SMG7: variants seen among roughly 807,000 people sequenced by gnomAD.
SMG7 encodes SMG7 nonsense mediated mRNA decay factor.
Under a neutral mutation model 148.2 loss-of-function variants are expected in SMG7, and 34 were observed. The observed-to-expected ratio is 0.23, with a 90% CI of 0.17 to 0.31. SMG7 has a LOEUF of 0.31. SMG7 is among the 10% of genes least tolerant of loss of function. The pLI, the probability that SMG7 is intolerant of heterozygous loss-of-function variation, is 1.00. For missense variants in SMG7, 1,114 were observed against 1,408.4 expected, an observed-to-expected ratio of 0.79 and a Z score of 3.35; for synonymous variants, 492 against 515.1, an observed-to-expected ratio of 0.96 and a Z score of 0.61.
At chr1:183,546,969 T>C in intron 17 of SMG7, 134 bp from the exon 18 acceptor site, 1 of 871,292 alleles carries the variant, frequency 1.1e-6, no homozygotes. Context: ...CAGAGCGTTT[T>C]TTCTCTTTGC....
rs557796045 is a variant in SMG7 at position 183,527,642 on chromosome 1, C to T, written c.485-314C>T. The T allele has an allele frequency of 6.1e-6, 3 of 494,388 alleles. No individual in the cohort carries two copies. Among genetic ancestry groups the T allele is most frequent in the East Asian group, 6.1e-5 (1 of 16,454 alleles). 30.6% of individuals were successfully genotyped at this position (494,388 alleles called of 1,614,324 possible). A position where few individuals can be genotyped will look rare whatever the true frequency, so the allele number is the denominator to read the frequency against. On this transcript the variant is annotated intron_variant, in intron 5 of 22. Coordinates refer to ENST00000688051, the MANE Select transcript of SMG7 (RefSeq NM_001375584.1). This position sits in a 1 kb window ranked among gnomAD's most constrained non-coding sequence, Gnocchi z 4.0. ...GTTTTTAAGTGCCATATAACTCACC[C>T]CTTCTTGTGGGCCGGCTCCAGGTCA...
chr1:183,479,750 A>G (rs1045781330), intron 1 of SMG7, among the ~76,000 whole-genome samples: 2 of 152,188 alleles, frequency 1.3e-5, no homozygotes, highest in Admixed American at 6.5e-5. Flanking sequence ...TAGTAGGTCA[A>G]AGGTATTATG....
chr1:183,517,936 A>T, intron 4 of SMG7, 116 bp downstream of exon 4: 3 of 1,022,876 alleles, frequency 2.9e-6, no homozygotes, highest in Non-Finnish European at 4.4e-6. Flanking sequence ...CCATCCAGGG[A>T]TTGATCACCT....
intron 8 of SMG7, among the ~76,000 whole-genome samples, chr1:183,532,473 G>T (rs938911172): frequency 6.6e-6 from 1 of 152,134 alleles, no homozygotes; most frequent in Non-Finnish European, 1.5e-5. Flanking sequence ...TATAGTGCTG[G>T]TTAACAGATC....
At chr1:183,540,859 A>G (rs770974962) in intron 12 of SMG7, 125 bp from the exon 13 acceptor site, 7 of 707,048 alleles carry the variant, frequency 9.9e-6, no homozygotes, top group Non-Finnish European at 1.6e-5. Flanking sequence ...GCAGTTGATT[A>G]CATCAAGTAG....
At chr1:183,489,752 T>C (rs1656461024) in intron 1 of SMG7, among the ~76,000 whole-genome samples, 1 of 152,170 alleles carries the variant, frequency 6.6e-6, no homozygotes, top group East Asian at 1.9e-4. Context: ...TACCAGATAG[T>C]AATAAAGATC....
chr1:183,482,689 T>C (rs778557382), intron 1 of SMG7, among the ~76,000 whole-genome samples: 2 of 152,182 alleles, frequency 1.3e-5, no homozygotes, highest in Non-Finnish European at 2.9e-5. Flanking sequence ...CTATTGTTAG[T>C]CTCTCACTGT....
intron 4 of SMG7, among the ~76,000 whole-genome samples, chr1:183,519,131 T>C (rs975516134): frequency 1.3e-5 from 2 of 152,100 alleles, no homozygotes; most frequent in African/African-American, 4.8e-5. Flanking sequence ...AGTTTGAGGC[T>C]GCAGTGAACC....
intron 16 of SMG7, among the ~76,000 whole-genome samples, chr1:183,545,622 C>G (rs1409631762): frequency 6.6e-6 from 1 of 152,164 alleles, no homozygotes; most frequent in African/African-American, 2.4e-5. Context: ...GAATCACAGT[C>G]TTGATGAGGT....
chr1:183,553,092 C>T lies in SMG7; in HGVS notation c.*1161C>T, dbSNP rs1320382014. The T allele has an allele frequency of 2.0e-6, 3 of 1,536,266 alleles. No homozygotes were observed. The highest frequency in any genetic ancestry group is 1.4e-5 in the African/African-American group (1 of 73,180). ...AGGCCCCTGCCCAGCTGCAGTCTCC[C>T]AGCCTCCACTTTCAGAGTGAAATTC... On this transcript the variant is annotated 3_prime_UTR_variant, in exon 23 of 23. Coordinates refer to ENST00000688051, the MANE Select transcript of SMG7 (RefSeq NM_001375584.1).
chr1:183,528,595 CAG>C (rs1286301227), intron 6 of SMG7, among the ~76,000 whole-genome samples: 1 of 152,118 alleles, frequency 6.6e-6, no homozygotes, highest in Non-Finnish European at 1.5e-5. Context: ...ACTACAGTGG[CAG>C]AGTTGAGTGG....
chr1:183,504,324 G>GATTT (rs374218162), intron 1 of SMG7, among the ~76,000 whole-genome samples: 16,985 of 150,800 alleles, frequency 0.11, 1,028 homozygotes, highest in African/African-American at 0.14. Context: ...TTGATATCTT[G>GATTT]ATTTATTTAT....
chr1:183,491,419 C>G (rs187736170), intron 1 of SMG7, among the ~76,000 whole-genome samples: 5 of 152,084 alleles, frequency 3.3e-5, no homozygotes, highest in Admixed American at 3.3e-4. Context: ...CTGTCTAAGT[C>G]TTTTTGTGTA....
At chr1:183,539,634 G>A (rs536767168) in intron 12 of SMG7, among the ~76,000 whole-genome samples, 1 of 152,160 alleles carries the variant, frequency 6.6e-6, no homozygotes, top group Non-Finnish European at 1.5e-5. Flanking sequence ...TTCCGATTTG[G>A]TCAGCCAAAA....
chr1:183,493,304 A>G (rs1010190183), intron 1 of SMG7, among the ~76,000 whole-genome samples: 2 of 152,288 alleles, frequency 1.3e-5, no homozygotes, highest in Admixed American at 6.5e-5. Context: ...TGTTTGATTC[A>G]TTTCCAAATA....
rs1050590010 is a variant in SMG7, at chr1:183,512,913, A to G, written c.61+45A>G. The G allele has an allele frequency of 4.7e-6, 7 of 1,503,636 alleles. No individual in the cohort carries two copies. In the African/African-American group the frequency reaches 1.0e-4, roughly 21 times the overall value. 93.1% of individuals were successfully genotyped at this position (1,503,636 alleles called of 1,614,324 possible). A position where few individuals can be genotyped will look rare whatever the true frequency, so the allele number is the denominator to read the frequency against. On this transcript the variant is annotated intron_variant, in intron 2 of 22. Coordinates refer to ENST00000688051, the MANE Select transcript of SMG7 (RefSeq NM_001375584.1). ...TTTTTCACAACATATTTTATATATT[A>G]AATTAATGGAAGGATATCCTCTTTC...
chr1:183,528,751 C>A, intron 6 of SMG7, 141 bp from the exon 7 acceptor site: 1 of 694,580 alleles, frequency 1.4e-6, no homozygotes, highest in South Asian at 1.9e-5. Flanking sequence ...GGACCTTACG[C>A]TGGTTTGCAA....
intron 1 of SMG7, chr1:183,502,494 A>G (rs1409601762): frequency 1.6e-5 from 16 of 984,966 alleles, no homozygotes; most frequent in Non-Finnish European, 2.2e-5. Flanking sequence ...ACTTCCTGAA[A>G]CATTTGATTT....
At chr1:183,522,781 GT>G (rs936392957) in intron 4 of SMG7, among the ~76,000 whole-genome samples, 88 of 141,836 alleles carry the variant, frequency 6.2e-4, no homozygotes, top group South Asian at 4.5e-4. Flanking sequence ...TTAGTTTTTT[GT>G]TTTTTTTTTT....
Sources: allele counts gnomAD v4.1 joint callset (sites outside exome capture counted in the v4.1 genomes callset), GRCh38; gene constraint gnomAD v4.1.1; non-coding constraint Gnocchi (gnomAD v3.1); transcripts MANE v1.5; gene names NCBI Gene and HGNC (gene_info 2026-07-23, HGNC 2026-07-21).